The following POLA1 variants were observed in gnomAD, a reference collection of about 807,000 sequenced individuals.
POLA1 encodes the protein DNA polymerase alpha catalytic subunit.
POLA1 carries 15 observed loss-of-function variants against 124.0 expected under a neutral mutation model. The ratio of observed to expected loss-of-function variants is 0.12; its 90% CI spans 0.08 to 0.19. The LOEUF (loss-of-function observed/expected upper bound fraction) is 0.19, where lower values mean the gene tolerates loss of function less well. Ranked by LOEUF, POLA1 falls within the 10% of genes least tolerant of loss-of-function variation. POLA1 has a pLI of 1.00. For synonymous variants in POLA1, 408 were observed against 389.4 expected (o/e 1.05, Z -0.56); for missense variants, 886 against 1,103.4 (o/e 0.80, Z 2.79).
rs768880813 is a variant in POLA1, at chrX:24,716,970, T to C, written c.705T>C (p.Ala235=). 3 of 1,152,692 alleles carry C rather than the reference T, an allele frequency of 2.6e-6. No homozygotes were observed. The highest frequency in any genetic ancestry group is 2.2e-5 in the Admixed American group (1 of 44,872). 95.0% of individuals were successfully genotyped at this position (1,152,692 alleles called of 1,213,427 possible). A position where few individuals can be genotyped will look rare whatever the true frequency, so the allele number is the denominator to read the frequency against. The change falls in exon 8 of 37, where the codon GCT becomes GCC. Residue 235 remains alanine (A), a splice_region_variant and synonymous_variant. Coordinates refer to ENST00000379068, the MANE Select transcript of POLA1 (RefSeq NM_001330360.2). The part of the protein sequence containing the change: ...TPVPLKRAEF[A]GDDVQVESTE... ...TTCCTCTTAAACGTGCTGAATTTGCTGGTAAGTGTGATGTCAGGCAGAATT... is the reference window on the plus strand; with the variant it reads ...TTCCTCTTAAACGTGCTGAATTTGCCGGTAAGTGTGATGTCAGGCAGAATT...
At chrX:24,816,930 C>A (rs1241015518) in intron 30 of POLA1, among the ~76,000 whole-genome samples, 1 of 111,907 alleles carries the variant, frequency 8.9e-6, no homozygotes, top group African/African-American at 3.3e-5. Flanking sequence ...ATTGAAATTT[C>A]TAGACTTATG....
chrX:24,715,498 G>A (rs1929765884), intron 6 of POLA1, among the ~76,000 whole-genome samples: 2 of 111,362 alleles, frequency 1.8e-5, no homozygotes, highest in Admixed American at 9.5e-5. Flanking sequence ...GTTTCACTAT[G>A]TTGGCCAGGC....
chrX:24,826,150 T>A (rs183590955), intron 31 of POLA1, among the ~76,000 whole-genome samples: 1 of 112,488 alleles, frequency 8.9e-6, no homozygotes, highest in East Asian at 2.8e-4. Flanking sequence ...CATTGCTATC[T>A]TGTTGGTTTC....
chrX:24,934,662 A>G (rs1601886445), intron 36 of POLA1, among the ~76,000 whole-genome samples: 1 of 112,204 alleles, frequency 8.9e-6, no homozygotes, highest in Non-Finnish European at 1.9e-5. Flanking sequence ...TGGCTTAACT[A>G]TATTTCCTCA....
chrX:24,749,169 G>T (rs1932183370), intron 26 of POLA1, among the ~76,000 whole-genome samples, 177 bp downstream of exon 26: 1 of 111,115 alleles, frequency 9.0e-6, no homozygotes, highest in African/African-American at 3.3e-5. Flanking sequence ...ATTAATTCGT[G>T]TGTGTGTGTA....
chrX:24,765,224 G>A (rs1163530712), intron 26 of POLA1, among the ~76,000 whole-genome samples: 6 of 109,108 alleles, frequency 5.5e-5, no homozygotes, highest in Non-Finnish European at 1.1e-4. Flanking sequence ...TTGGTGCAGG[G>A]TTGTATTTTT....
chrX:24,748,157 C>T (rs922711451), intron 24 of POLA1, among the ~76,000 whole-genome samples, 154 bp from the exon 25 acceptor site: 2 of 112,629 alleles, frequency 1.8e-5, no homozygotes, highest in Non-Finnish European at 3.7e-5. Context: ...ACAACCCTCT[C>T]AGCTCTTTCT....
chrX:24,801,926 T>TGG (rs1385404834), intron 26 of POLA1, among the ~76,000 whole-genome samples: 48 of 85,579 alleles, frequency 5.6e-4, no homozygotes, highest in South Asian at 7.1e-4. Flanking sequence ...GGTGGGTGGG[T>TGG]GTGTGTGTGT....
chrX:24,758,248 A>G (rs1293764288), intron 26 of POLA1, among the ~76,000 whole-genome samples: 1 of 111,284 alleles, frequency 9.0e-6, no homozygotes, highest in Non-Finnish European at 1.9e-5. Context: ...GTAAGCATAT[A>G]ATATATATGT....
intron 4 of POLA1, among the ~76,000 whole-genome samples, chrX:24,712,006 C>G (rs954418863): frequency 2.7e-5 from 3 of 112,605 alleles, no homozygotes; most frequent in African/African-American, 9.7e-5. Flanking sequence ...GCCTTACTAA[C>G]AGTGTTTTCA....
chrX:24,726,377 G>C (rs1297579651), intron 13 of POLA1, among the ~76,000 whole-genome samples: 1 of 111,987 alleles, frequency 8.9e-6, no homozygotes, highest in Non-Finnish European at 1.9e-5. Flanking sequence ...CTTATGAGCA[G>C]TGGAAAGGTG....
intron 26 of POLA1, among the ~76,000 whole-genome samples, chrX:24,771,833 C>T (rs946155521): frequency 2.7e-5 from 3 of 111,464 alleles, no homozygotes; most frequent in African/African-American, 9.8e-5. Flanking sequence ...GTGATTCATC[C>T]TAATGGTTTT....
At chrX:24,735,337 C>G (rs767837274) in intron 17 of POLA1, 62 bp from the exon 18 acceptor site, 59 of 666,840 alleles carry the variant, frequency 8.8e-5, no homozygotes, top group Non-Finnish European at 1.3e-4. Flanking sequence ...AACAAGAAGC[C>G]AAGATACAGT....
At chrX:24,976,529 A>G (rs1301122128) in intron 36 of POLA1, among the ~76,000 whole-genome samples, 1 of 112,268 alleles carries the variant, frequency 8.9e-6, no homozygotes, top group Non-Finnish European at 1.9e-5. Context: ...CAGCTACCCT[A>G]AGAGTTCTAG....
At chrX:24,950,400 T>A (rs2048020932) in intron 36 of POLA1, among the ~76,000 whole-genome samples, 1 of 112,125 alleles carries the variant, frequency 8.9e-6, no homozygotes, top group Non-Finnish European at 1.9e-5. Context: ...TAAATGGAAA[T>A]AGTGACATGT....
chrX:24,770,467 C>T (rs1400037093), intron 26 of POLA1, among the ~76,000 whole-genome samples: 1 of 111,781 alleles, frequency 8.9e-6, no homozygotes, highest in Non-Finnish European at 1.9e-5. Flanking sequence ...CAGAGAGGTA[C>T]GGGATGTCGT....
At chrX:24,796,205 G>A (rs188680654) in intron 26 of POLA1, among the ~76,000 whole-genome samples, 2 of 111,484 alleles carry the variant, frequency 1.8e-5, no homozygotes, top group East Asian at 5.7e-4. Flanking sequence ...ATGGCCTCAA[G>A]GAGGGGAGCT....
chrX:24,951,756 G>C (rs1020173267), intron 36 of POLA1, among the ~76,000 whole-genome samples: 18 of 111,193 alleles, frequency 1.6e-4, no homozygotes, highest in Non-Finnish European at 3.4e-4. Flanking sequence ...CCTTTATTCA[G>C]ACTTCAAAAT....
At chrX:24,931,898 A>G (rs2047786415) in intron 36 of POLA1, among the ~76,000 whole-genome samples, 1 of 110,028 alleles carries the variant, frequency 9.1e-6, no homozygotes, top group Middle Eastern at 4.8e-3. Flanking sequence ...CTGTTCCTCT[A>G]TTACTTCTTT....
Sources: allele counts gnomAD v4.1 joint callset (sites outside exome capture counted in the v4.1 genomes callset), GRCh38; gene constraint gnomAD v4.1.1; transcripts MANE v1.5; gene names NCBI Gene and HGNC (gene_info 2026-07-23, HGNC 2026-07-21).